MRPS9: variants seen among roughly 807,000 people sequenced by gnomAD.
MRPS9 encodes the protein small ribosomal subunit protein uS9m.
In MRPS9, 45 loss-of-function variants were observed where a neutral mutation model predicts 59.9. The ratio of observed to expected loss-of-function variants is 0.75; its 90% CI spans 0.59 to 0.96. The LOEUF is 0.96. Among genes scored for constraint, MRPS9 ranks in the 40% least tolerant of loss-of-function variants. The pLI is 0.00. For missense variants in MRPS9, 473 were observed against 481.1 expected (o/e 0.98, Z 0.16); for synonymous variants, 171 against 166.8 (o/e 1.03, Z -0.19).
chr2:105,094,368 A>G (rs773528673), intron 9 of MRPS9, among the ~76,000 whole-genome samples: 37 of 152,160 alleles, frequency 2.4e-4, no homozygotes, highest in Non-Finnish European at 3.8e-4. Flanking sequence ...CTGACTTGCT[A>G]TATAAAGGCC....
At chr2:105,049,940 G>T (rs147370813) in intron 2 of MRPS9, among the ~76,000 whole-genome samples, 124 of 150,698 alleles carry the variant, frequency 8.2e-4, no homozygotes, top group African/African-American at 2.7e-3. Flanking sequence ...AATATCCCAT[G>T]ATGTTTTATA....
intron 2 of MRPS9, among the ~76,000 whole-genome samples, chr2:105,064,960 C>G (rs1456133089): frequency 1.3e-5 from 2 of 152,162 alleles, no homozygotes; most frequent in African/African-American, 2.4e-5. Flanking sequence ...GTATTTCTAT[C>G]ATAGGTCCTG....
chr2:105,069,973 C>T (rs1680083368), intron 2 of MRPS9, among the ~76,000 whole-genome samples: 1 of 152,076 alleles, frequency 6.6e-6, no homozygotes, highest in Non-Finnish European at 1.5e-5. Context: ...GATTGTGTCA[C>T]TGCACTCCAG....
chr2:105,061,204 C>T (rs1405444814), intron 2 of MRPS9, among the ~76,000 whole-genome samples: 1 of 151,508 alleles, frequency 6.6e-6, no homozygotes, highest in Non-Finnish European at 1.5e-5. Flanking sequence ...AGTTACAATG[C>T]CCTAACAGAC....
At chr2:105,041,988 A>C (rs1302199172) in intron 1 of MRPS9, among the ~76,000 whole-genome samples, 1 of 152,242 alleles carries the variant, frequency 6.6e-6, no homozygotes, top group Non-Finnish European at 1.5e-5. Flanking sequence ...TTTTCCTTGT[A>C]AAACAAGATA....
chr2:105,038,358 T>A, intron 1 of MRPS9, 131 bp downstream of exon 1: 1 of 1,254,546 alleles, frequency 8.0e-7, no homozygotes, highest in Non-Finnish European at 1.1e-6. Context: ...TTAGTGGAGG[T>A]CTGAGGTTGG....
chr2:105,069,464 C>G (rs192779638), intron 2 of MRPS9, among the ~76,000 whole-genome samples: 1 of 152,296 alleles, frequency 6.6e-6, no homozygotes, highest in African/African-American at 2.4e-5. Context: ...CCACCCACCT[C>G]AGCCTCTCAA....
intron 2 of MRPS9, among the ~76,000 whole-genome samples, chr2:105,069,214 C>CT (rs11334093): frequency 0.21 from 25,026 of 117,660 alleles, 2,604 homozygotes; most frequent in Middle Eastern, 0.37. Context: ...ATTGGTCAAT[C>CT]TTTTTTTTTT....
Position 105,097,153 on chromosome 2 carries a change from A to G in MRPS9, c.930-2A>G, listed in dbSNP as rs779517956. 1 of 1,556,440 alleles carries G rather than the reference A, an allele frequency of 6.4e-7. No individual in the cohort carries two copies. The highest frequency in any genetic ancestry group is 1.2e-5 in the South Asian group (1 of 81,700). Reference sequence around the variant, plus strand: ...ACCACATTTACTTGTGCTGTGCTTTAGAGAACAGCTGATGTTCCCTTTCCA... The same window carrying G: ...ACCACATTTACTTGTGCTGTGCTTTGGAGAACAGCTGATGTTCCCTTTCCA... On this transcript the variant is annotated splice_acceptor_variant, in intron 9 of 10. Coordinates refer to ENST00000258455, the MANE Select transcript of MRPS9 (RefSeq NM_182640.3). LOFTEE classifies it high-confidence loss of function.
intron 5 of MRPS9, among the ~76,000 whole-genome samples, chr2:105,080,324 T>A (rs576731701): frequency 1.3e-5 from 2 of 152,304 alleles, no homozygotes; most frequent in Non-Finnish European, 2.9e-5. Context: ...AAGATAGATG[T>A]TCAACTCAAT....
At chr2:105,052,084 C>T (rs1016987334) in intron 2 of MRPS9, among the ~76,000 whole-genome samples, 6 of 144,332 alleles carry the variant, frequency 4.2e-5, no homozygotes, top group African/African-American at 7.7e-5. Flanking sequence ...AATAGTTTTA[C>T]TTCATTTTTC....
rs191318875 is a variant in MRPS9, at chr2:105,093,642, C to T, written c.929+4C>T. ...ACTTCCCGATCACACAGGACAGGTT[C>T]GTTTTGGGTTCTGATTTTTTGTTTT... is the stretch of plus-strand genomic sequence containing the variant. On this transcript the variant is annotated splice_donor_region_variant and intron_variant, in intron 9 of 10. Transcript: ENST00000258455. The T allele has an allele frequency of 5.9e-6, 9 of 1,524,998 alleles. No individual in the cohort carries two copies. The East Asian group carries it at 6.9e-5, about 12-fold the overall frequency. 94.5% of individuals were successfully genotyped at this position (1,524,998 alleles called of 1,614,324 possible).
intron 2 of MRPS9, among the ~76,000 whole-genome samples, chr2:105,059,062 G>A (rs942054667): frequency 1.2e-4 from 17 of 141,148 alleles, no homozygotes; most frequent in Non-Finnish European, 6.1e-5. Flanking sequence ...TTTTGCTTTT[G>A]TTCTGTGGGG....
intron 1 of MRPS9, among the ~76,000 whole-genome samples, chr2:105,047,897 T>G (rs939828575): frequency 4.6e-5 from 7 of 151,934 alleles, no homozygotes; most frequent in African/African-American, 1.7e-4. Flanking sequence ...ATATACCCAG[T>G]AATGGGATGG....
intron 7 of MRPS9, among the ~76,000 whole-genome samples, chr2:105,090,384 C>T (rs1680535607): frequency 6.6e-6 from 1 of 152,208 alleles, no homozygotes; most frequent in African/African-American, 2.4e-5. Context: ...AAAAGGGATG[C>T]AGCACATGGT....
At chr2:105,039,212 A>T (rs1679456078) in intron 1 of MRPS9, among the ~76,000 whole-genome samples, 2 of 137,502 alleles carry the variant, frequency 1.5e-5, no homozygotes, top group Non-Finnish European at 3.1e-5. Context: ...CAAATACCAT[A>T]CTTTAAAAAC....
At chr2:105,042,325 G>A (rs1024292894) in intron 1 of MRPS9, among the ~76,000 whole-genome samples, 3 of 152,232 alleles carry the variant, frequency 2.0e-5, no homozygotes, top group African/African-American at 7.2e-5. Flanking sequence ...AAGGCCCCAG[G>A]TCCTTGCTGG....
intron 5 of MRPS9, among the ~76,000 whole-genome samples, chr2:105,084,247 A>ATATATATATATATATAT (rs1680403807): frequency 7.2e-6 from 1 of 139,592 alleles, no homozygotes; most frequent in African/African-American, 2.6e-5. Flanking sequence ...TATATACCAA[A>ATATATATATATATATAT]ATATATATAT....
At chr2:105,081,718 G>T (rs900279991) in intron 5 of MRPS9, among the ~76,000 whole-genome samples, 1 of 152,176 alleles carries the variant, frequency 6.6e-6, no homozygotes, top group African/African-American at 2.4e-5. Flanking sequence ...TGACTAAAAT[G>T]TCAAATGATA....
Sources: gnomAD v4.1 joint callset for allele counts (sites outside exome capture counted in the v4.1 genomes callset) on GRCh38, gnomAD v4.1.1 for gene constraint, MANE v1.5 for transcripts, NCBI Gene and HGNC (gene_info 2026-07-23, HGNC 2026-07-21) for gene names.